COL1A2: variants seen among roughly 807,000 people sequenced by gnomAD.
COL1A2 encodes the protein collagen alpha-2(I) chain.
A neutral mutation model predicts 174.3 loss-of-function variants in COL1A2; 49 were observed. That is an observed-to-expected ratio of 0.28 (90% CI 0.22 to 0.36). COL1A2 has a LOEUF of 0.36. Ranked by LOEUF, COL1A2 falls within the 10% of genes least tolerant of loss-of-function variation. COL1A2 has a pLI of 1.00. For missense variants in COL1A2, 1,438 were observed against 1,822.7 expected (o/e 0.79, Z 3.84); for synonymous variants, 655 against 606.6 (o/e 1.08, Z -1.17).
chr7:94,421,279 G>C, intron 38 of COL1A2: 1 of 616,838 alleles, frequency 1.6e-6, no homozygotes, highest in South Asian at 2.0e-5. Context: ...AATAACCAAG[G>C]TGGGCCCTAG....
chr7:94,410,872 C>T lies in COL1A2; in HGVS notation c.1198-17C>T, dbSNP rs1334349953. ...GAGATTTCTTTAATTCTCTCTATTT[C>T]ATGTACTTTCTTGCAGGGTAGTCCT... On this transcript the variant is annotated splice_polypyrimidine_tract_variant and intron_variant, in intron 21 of 51. Transcript: ENST00000297268. 1 of 1,612,820 alleles carries T rather than the reference C, an allele frequency of 6.2e-7. No individual in the cohort carries two copies. Among genetic ancestry groups the T allele is most frequent in the Admixed American group, 1.7e-5 (1 of 60,012 alleles).
At chr7:94,412,476 G>T (rs1341622960) in intron 24 of COL1A2, 108 bp from the exon 25 acceptor site, 4 of 839,948 alleles carry the variant, frequency 4.8e-6, no homozygotes, top group African/African-American at 1.7e-5. Context: ...TATACAAGAA[G>T]CTCTATGCAT....
intron 48 of COL1A2, 154 bp from the exon 49 acceptor site, chr7:94,427,473 G>A (rs1562907985): frequency 3.7e-6 from 4 of 1,090,852 alleles, no homozygotes; most frequent in Non-Finnish European, 5.4e-6. Context: ...CTGCAAGTGT[G>A]CCTGGGGGCT....
chr7:94,429,521 G>A (rs969782606), intron 51 of COL1A2, 91 bp downstream of exon 51: 7 of 1,399,784 alleles, frequency 5.0e-6, no homozygotes, highest in Non-Finnish European at 6.0e-6. Flanking sequence ...TCTAAAGGGG[G>A]GTTAAAAGAA....
chr7:94,395,557 C>CT, intron 1 of COL1A2: 1 of 289,350 alleles, frequency 3.5e-6, no homozygotes, highest in Non-Finnish European at 6.7e-6. Flanking sequence ...GAGCTTTTAT[C>CT]TTCTGGGCAT....
chr7:94,411,621 T>C (rs1440789690), intron 23 of COL1A2, among the ~76,000 whole-genome samples: 2 of 152,212 alleles, frequency 1.3e-5, no homozygotes, highest in African/African-American at 4.8e-5. Flanking sequence ...CACTAATCCA[T>C]AGCAATAGAG....
chr7:94,423,623 T>TC (rs1375689890), intron 40 of COL1A2: 1 of 173,846 alleles, frequency 5.8e-6, no homozygotes, highest in African/African-American at 2.4e-5. Context: ...GGGATGGAGT[T>TC]CCCCTCTGTT....
Position 94,410,231 on chromosome 7 carries a change from T to C in COL1A2, c.1036-11T>C. On this transcript the variant is annotated splice_polypyrimidine_tract_variant and intron_variant, in intron 19 of 51. Transcript: ENST00000297268. ...TTTGTCCTTTGACCACTGTTCTGTA[T>C]TGAACCCTAGGGTGAGCCTGGTCCA... 1.9e-6 allele frequency: 3 copies of C among 1,613,504 alleles called. No homozygotes were observed. The highest frequency in any genetic ancestry group is 2.5e-6 in the Non-Finnish European group (3 of 1,179,960).
In COL1A2 at chr7:94,420,524, C is replaced by T. The variant is rs1236082364; in HGVS notation, c.2188-17C>T. On this transcript the variant is annotated splice_polypyrimidine_tract_variant and intron_variant, in intron 36 of 51. Coordinates refer to ENST00000297268, the MANE Select transcript of COL1A2 (RefSeq NM_000089.4). Reference sequence around the variant, plus strand: ...GTGGGTCGGAATACCAGAGCTGTAACTGTTTATTTCCAACAGGGTGCTGCT... The same window carrying T: ...GTGGGTCGGAATACCAGAGCTGTAATTGTTTATTTCCAACAGGGTGCTGCT... 1 of 1,614,052 alleles carries T rather than the reference C, an allele frequency of 6.2e-7. No individual in the cohort carries two copies. The highest frequency in any genetic ancestry group is 8.5e-7 in the Non-Finnish European group (1 of 1,179,960).
intron 11 of COL1A2, 102 bp downstream of exon 11, chr7:94,405,828 C>G: frequency 1.0e-6 from 1 of 986,174 alleles, no homozygotes; most frequent in Non-Finnish European, 1.6e-6. Context: ...ACTTTCAAAT[C>G]CCTGGAGTTT....
At chr7:94,399,126 G>T in intron 4 of COL1A2, 42 bp downstream of exon 4, 1 of 1,575,458 alleles carries the variant, frequency 6.3e-7, no homozygotes, top group Non-Finnish European at 8.7e-7. Flanking sequence ...TCCCGTATTT[G>T]AATAACTATA....
chr7:94,421,887 C>T lies in COL1A2; in HGVS notation c.2350-12C>T, dbSNP rs527834283. ...ATGTTGACTGTGGAATTCTAATGTG[C>T]TTGGCTCTTAGGGTATGACTGGTTT... On this transcript the variant is annotated splice_polypyrimidine_tract_variant and intron_variant, in intron 38 of 51. Coordinates refer to ENST00000297268, the MANE Select transcript of COL1A2 (RefSeq NM_000089.4). The T allele has an allele frequency of 1.1e-5, 17 of 1,608,278 alleles. No homozygotes were observed. The South Asian group carries it at 1.5e-4, about 15-fold the overall frequency.
At chr7:94,428,868 G>A (rs1211725499) in intron 50 of COL1A2, among the ~76,000 whole-genome samples, 3 of 151,792 alleles carry the variant, frequency 2.0e-5, no homozygotes, top group African/African-American at 7.3e-5. Context: ...ATTACAAAAT[G>A]ACAGAAAAAG....
rs925434167 is a variant in COL1A2 at position 94,398,905 on chromosome 7, A to G, written c.97-144A>G. On this transcript the variant is annotated intron_variant, in intron 3 of 51. Transcript: ENST00000297268. ...TAAAATATATACTTTTATCTATTGC[A>G]TTGTGTCAATTTTTTATATGCTATC... 4 of 783,328 alleles carry G rather than the reference A, an allele frequency of 5.1e-6. No homozygotes were observed. In the African/African-American group the frequency reaches 6.9e-5, roughly 14 times the overall value. The allele number at this position is 783,328 out of a possible 1,614,324, so 48.5% of individuals were successfully genotyped here. A position where few individuals can be genotyped will look rare whatever the true frequency, so the allele number is the denominator to read the frequency against.
Position 94,429,346 on chromosome 7 carries a change from C to T in COL1A2, c.3870C>T (p.Val1290=), listed in dbSNP as rs926855674. 7.1e-5 allele frequency: 115 copies of T among 1,613,896 alleles called. No individual in the cohort carries two copies. Among genetic ancestry groups the T allele is most frequent in the Middle Eastern group, 1.6e-4 (1 of 6,084 alleles). ...AGACTGGCAACCTGAAAAAGGCTGT[C>T]ATTCTACAGGGCTCTAATGATGTTG... ...DEETGNLKKA[V]ILQGSNDVEL... is the part of the protein sequence containing the mutation. The change falls in exon 51 of 52, where the codon GTC becomes GTT. Residue 1290 remains valine, a synonymous_variant. Transcript: ENST00000297268.
At position 94,429,353 on chromosome 7, in the gene COL1A2, C is replaced by T. The variant is rs1375512594; in HGVS notation, c.3877C>T (p.Gln1293Ter). 1 of 1,613,942 alleles carries T rather than the reference C, an allele frequency of 6.2e-7. No individual in the cohort carries two copies. Residue 1293 changes from glutamine (Q) to a stop codon, truncating the protein, a stop_gained, in exon 51 of 52, where the codon CAG becomes TAG. Coordinates refer to ENST00000297268, the MANE Select transcript of COL1A2 (RefSeq NM_000089.4). LOFTEE classifies it high-confidence loss of function. The part of the protein sequence containing the change: ...TGNLKKAVIL[Q>*]GSNDVELVAE... ...CAACCTGAAAAAGGCTGTCATTCTACAGGGCTCTAATGATGTTGAACTTGT... is the reference window on the plus strand; with the variant it reads ...CAACCTGAAAAAGGCTGTCATTCTATAGGGCTCTAATGATGTTGAACTTGT...
chr7:94,408,970 G>A (rs536072391), intron 16 of COL1A2, 147 bp downstream of exon 16: 28 of 803,416 alleles, frequency 3.5e-5, no homozygotes, highest in South Asian at 3.3e-4. Context: ...AGAATGACCA[G>A]TTTTCTCACT....
intron 23 of COL1A2, 90 bp downstream of exon 23, chr7:94,411,244 A>T: frequency 9.4e-7 from 1 of 1,059,872 alleles, no homozygotes; most frequent in East Asian, 2.6e-5. Context: ...CAATAAAAAC[A>T]TCAAAAGTAA....
intron 1 of COL1A2, 50 bp downstream of exon 1, chr7:94,395,151 G>A (rs772606632): frequency 6.7e-7 from 1 of 1,498,130 alleles, no homozygotes. Flanking sequence ...AGGTTAGATG[G>A]GAGGGCACCC....
Sources: gnomAD v4.1 joint callset for allele counts (sites outside exome capture counted in the v4.1 genomes callset) on GRCh38, gnomAD v4.1.1 for gene constraint, MANE v1.5 for transcripts, NCBI Gene and HGNC (gene_info 2026-07-23, HGNC 2026-07-21) for gene names.